The following UGT1A8 variants were observed in gnomAD, a reference collection of about 807,000 sequenced individuals.
UGT1A8 encodes the protein UDP-glucuronosyltransferase 1A8.
A neutral mutation model predicts 45.3 loss-of-function variants in UGT1A8; 39 were observed. The ratio of observed to expected loss-of-function variants is 0.86; its 90% CI spans 0.67 to 1.12. The LOEUF (loss-of-function observed/expected upper bound fraction) is 1.12, where lower values mean the gene tolerates loss of function less well. Among genes scored for constraint, UGT1A8 ranks in the 50% most tolerant of loss-of-function variants. The pLI is 0.00. For missense variants in UGT1A8, 719 were observed against 664.9 expected (o/e 1.08, Z -0.90); for synonymous variants, 275 against 249.2 (o/e 1.10, Z -0.97).
At chr2:233,673,153 T>A (rs947617562) in intron 1 of UGT1A8, among the ~76,000 whole-genome samples, 3 of 152,194 alleles carry the variant, frequency 2.0e-5, no homozygotes, top group Non-Finnish European at 4.4e-5. Flanking sequence ...TTAATGTTTT[T>A]AAAAAAGTAC....
chr2:233,695,755 T>A (rs1036590336), intron 1 of UGT1A8, among the ~76,000 whole-genome samples: 1 of 152,338 alleles, frequency 6.6e-6, no homozygotes, highest in Non-Finnish European at 1.5e-5. Flanking sequence ...CAGGTCTTCA[T>A]CCTTTTTTAT....
At chr2:233,716,309 C>T (rs2076497368) in intron 1 of UGT1A8, among the ~76,000 whole-genome samples, 1 of 152,204 alleles carries the variant, frequency 6.6e-6, no homozygotes, top group Admixed American at 6.5e-5. Flanking sequence ...GTCTCTTCCA[C>T]CTGTAATGGA....
intron 1 of UGT1A8, among the ~76,000 whole-genome samples, chr2:233,625,707 TG>T (rs2073075394): frequency 6.6e-6 from 1 of 151,702 alleles, no homozygotes; most frequent in Non-Finnish European, 1.5e-5. Context: ...CCAAATACCA[TG>T]TGTTCTCACT....
rs748532468 is a variant in UGT1A8 at position 233,713,904 on chromosome 2, T to G, written c.856-53130T>G. ...CCAATCAATGTTCCAGGCAAAACACTTTTTAAAAAATGTATTTACTTACAA... is the reference window on the plus strand; with the variant it reads ...CCAATCAATGTTCCAGGCAAAACACGTTTTAAAAAATGTATTTACTTACAA... On this transcript the variant is annotated intron_variant, in intron 1 of 4. Transcript: ENST00000373450. 7 of 1,612,582 alleles carry G rather than the reference T, an allele frequency of 4.3e-6. No individual in the cohort carries two copies. The South Asian group carries it at 6.6e-5, about 15-fold the overall frequency.
chr2:233,671,246 A>C (rs3806598), intron 1 of UGT1A8, among the ~76,000 whole-genome samples: 9,894 of 152,234 alleles, frequency 0.065, 486 homozygotes, highest in East Asian at 0.18. Flanking sequence ...TGGGCGGGCA[A>C]CTTCCCACTG....
At chr2:233,682,090 G>C in intron 1 of UGT1A8, 1 of 1,614,076 alleles carries the variant, frequency 6.2e-7, no homozygotes, top group Non-Finnish European at 8.5e-7. Context: ...TCATCCTCAG[G>C]GGGCATGAGG....
intron 1 of UGT1A8, among the ~76,000 whole-genome samples, chr2:233,744,422 T>C (rs2125863019): frequency 6.6e-6 from 1 of 151,974 alleles, no homozygotes; most frequent in Non-Finnish European, 1.5e-5. Flanking sequence ...TTCATGTGGA[T>C]TATATCTATC....
intron 1 of UGT1A8, among the ~76,000 whole-genome samples, chr2:233,758,456 A>T (rs1329200911): frequency 2.0e-5 from 3 of 152,254 alleles, no homozygotes; most frequent in Non-Finnish European, 4.4e-5. Flanking sequence ...TGGAAGAATT[A>T]TCACCCTTAA....
At chr2:233,754,637 G>C (rs1695540827) in intron 1 of UGT1A8, 2 of 446,646 alleles carry the variant, frequency 4.5e-6, no homozygotes, top group African/African-American at 4.1e-5. Context: ...CCCTTTCTTG[G>C]CCATTCTCAA....
Position 233,745,112 on chromosome 2 carries a change from G to A in UGT1A8, c.856-21922G>A, listed in dbSNP as rs1457181143. Among the ~76,000 whole-genome samples the A allele has an allele frequency of 3.3e-5, 5 of 151,730 alleles. No individual in the cohort carries two copies. In the South Asian group the frequency reaches 8.3e-4, roughly 25 times the overall value. On this transcript the variant is annotated intron_variant, in intron 1 of 4. Coordinates refer to ENST00000373450, the MANE Select transcript of UGT1A8 (RefSeq NM_019076.5). ...TCCCCCCAAATATTTTTAATCTGCT[G>A]TTGGCTGAATCTGCAGATGTGAAGC...
At position 233,636,202 on chromosome 2, in the gene UGT1A8, T is replaced by G. The variant is rs550013586; in HGVS notation, c.855+17640T>G. Among the ~76,000 whole-genome samples, 3 of 150,970 alleles carry G rather than the reference T, an allele frequency of 2.0e-5. No individual in the cohort carries two copies. The Admixed American group carries it at 2.0e-4, about 10-fold the overall frequency. On this transcript the variant is annotated intron_variant, in intron 1 of 4. Transcript: ENST00000373450. Reference sequence around the variant, plus strand: ...AGCATTATTCAAATTTACTTTCACTTTATCTTTCCGAATCTTCAAGGTCCA... The same window carrying G: ...AGCATTATTCAAATTTACTTTCACTGTATCTTTCCGAATCTTCAAGGTCCA...
chr2:233,636,540 G>A (rs2073294630), intron 1 of UGT1A8: 3 of 1,613,764 alleles, frequency 1.9e-6, no homozygotes, highest in Non-Finnish European at 2.5e-6. Context: ...GCGCAGGGTG[G>A]ACCAGCCCCG....
intron 1 of UGT1A8, among the ~76,000 whole-genome samples, chr2:233,766,777 T>C (rs945359450): frequency 1.3e-5 from 2 of 152,236 alleles, no homozygotes; most frequent in Admixed American, 6.5e-5. Context: ...TGTGCTTTTC[T>C]TTTGGAAAAC....
intron 1 of UGT1A8, chr2:233,637,052 T>C (rs1172948418): frequency 6.2e-7 from 1 of 1,614,014 alleles, no homozygotes; most frequent in Non-Finnish European, 8.5e-7. Flanking sequence ...TGCCACCATC[T>C]TGAAGAAGGT....
At chr2:233,761,494 C>T (rs1189997049) in intron 1 of UGT1A8, among the ~76,000 whole-genome samples, 1 of 152,234 alleles carries the variant, frequency 6.6e-6, no homozygotes, top group Non-Finnish European at 1.5e-5. Context: ...GCACCTTGCC[C>T]TGGATTCAGT....
At chr2:233,642,207 T>A (rs960010263) in intron 1 of UGT1A8, among the ~76,000 whole-genome samples, 5 of 152,246 alleles carry the variant, frequency 3.3e-5, no homozygotes, top group African/African-American at 1.2e-4. Context: ...TTATTCTTTT[T>A]TCTTTTGTCT....
At chr2:233,721,300 TA>T in intron 1 of UGT1A8, among the ~76,000 whole-genome samples, 1 of 152,206 alleles carries the variant, frequency 6.6e-6, no homozygotes, top group Non-Finnish European at 1.5e-5. Flanking sequence ...GGCATTTGAA[TA>T]GTGATTGTGG....
At chr2:233,712,068 A>G (rs1488052828) in intron 1 of UGT1A8, among the ~76,000 whole-genome samples, 1 of 152,218 alleles carries the variant, frequency 6.6e-6, no homozygotes, top group Non-Finnish European at 1.5e-5. Context: ...AATCTTCAGG[A>G]TGAAATAAAG....
At chr2:233,727,509 T>C (rs1200856091) in intron 1 of UGT1A8, among the ~76,000 whole-genome samples, 9 of 152,132 alleles carry the variant, frequency 5.9e-5, no homozygotes, top group Non-Finnish European at 1.3e-4. Context: ...AGCCCATGAA[T>C]GTGGGAAGAG....
Sources: gnomAD v4.1 joint callset for allele counts (sites outside exome capture counted in the v4.1 genomes callset) on GRCh38, gnomAD v4.1.1 for gene constraint, MANE v1.5 for transcripts, NCBI Gene and HGNC (gene_info 2026-07-23, HGNC 2026-07-21) for gene names.